The following SLC35D4 variants were observed in gnomAD, a reference collection of about 807,000 sequenced individuals.
SLC35D4 encodes the protein solute carrier family 35 member D4.
At chr18:23,326,499 T>C in the SLC35D4 span, among the ~76,000 whole-genome samples, 1 of 152,190 alleles carries the variant, frequency 6.6e-6, no homozygotes, top group Admixed American at 6.5e-5. Context: ...CAAGAAGAGC[T>C]AACTATCCTA....
the SLC35D4 span, among the ~76,000 whole-genome samples, chr18:23,304,323 G>T: frequency 8.3e-5 from 12 of 145,232 alleles, no homozygotes; most frequent in African/African-American, 3.0e-4. Context: ...CACTATGAAA[G>T]TTAAGGATAC....
chr18:23,428,679 A>C, the SLC35D4 span, among the ~76,000 whole-genome samples: 1 of 141,966 alleles, frequency 7.0e-6, no homozygotes, highest in African/African-American at 2.5e-5. Flanking sequence ...CACCATGCCT[A>C]GCTAATTTTT....
the SLC35D4 span, among the ~76,000 whole-genome samples, chr18:23,343,202 A>G: frequency 2.0e-5 from 3 of 152,142 alleles, no homozygotes; most frequent in Admixed American, 2.0e-4. Flanking sequence ...GGTTACAGGC[A>G]TAAGCCACTA....
chr18:23,250,186 G>T, the SLC35D4 span, among the ~76,000 whole-genome samples: 2 of 152,196 alleles, frequency 1.3e-5, no homozygotes, highest in African/African-American at 2.4e-5. Flanking sequence ...TCGTTAAGCA[G>T]CAGGATATCC....
chr18:23,297,502 A>C, the SLC35D4 span: 1 of 152,114 alleles, frequency 6.6e-6, no homozygotes, highest in Non-Finnish European at 1.5e-5. Flanking sequence ...TAGGCGATAG[A>C]GTGAGGCCTT....
the SLC35D4 span, among the ~76,000 whole-genome samples, chr18:23,245,036 T>TTC: frequency 2.6e-5 from 4 of 152,230 alleles, no homozygotes; most frequent in African/African-American, 9.6e-5. Flanking sequence ...ACCCTCACTG[T>TTC]TCTCCAGGAT....
the SLC35D4 span, among the ~76,000 whole-genome samples, chr18:23,369,090 T>C: frequency 1.3e-5 from 2 of 152,246 alleles, no homozygotes; most frequent in Non-Finnish European, 2.9e-5. Flanking sequence ...TAAAGAGTAA[T>C]GTTTTAGTGT....
chr18:23,382,603 G>A, the SLC35D4 span, among the ~76,000 whole-genome samples: 4 of 152,184 alleles, frequency 2.6e-5, no homozygotes, highest in South Asian at 8.3e-4. Flanking sequence ...TTGATTGTAA[G>A]AGCCTTCCTA....
At chr18:23,288,753 G>A in the SLC35D4 span, among the ~76,000 whole-genome samples, 17 of 152,210 alleles carry the variant, frequency 1.1e-4, no homozygotes, top group African/African-American at 4.1e-4. Flanking sequence ...TATACAGTCC[G>A]ATAGCAGACC....
the SLC35D4 span, among the ~76,000 whole-genome samples, chr18:23,405,237 G>T: frequency 6.6e-6 from 1 of 151,980 alleles, no homozygotes; most frequent in African/African-American, 2.4e-5. Flanking sequence ...ACCCTGGCTG[G>T]AGTGCAATGG....
chr18:23,370,326 G>A, the SLC35D4 span: 38 of 1,540,624 alleles, frequency 2.5e-5, no homozygotes, highest in Admixed American at 7.8e-5. Flanking sequence ...TGGCCTGTCC[G>A]GGGACACACA....
At chr18:23,388,227 T>C in the SLC35D4 span, among the ~76,000 whole-genome samples, 12 of 152,246 alleles carry the variant, frequency 7.9e-5, no homozygotes, top group Admixed American at 2.0e-4. Flanking sequence ...GCCCTTACTC[T>C]GATCAGATTC....
At chr18:23,408,223 T>C in the SLC35D4 span, among the ~76,000 whole-genome samples, 2 of 151,958 alleles carry the variant, frequency 1.3e-5, no homozygotes, top group African/African-American at 2.4e-5. Flanking sequence ...TGTACCACAA[T>C]TGGACACACT....
chr18:23,277,046 G>A, the SLC35D4 span, among the ~76,000 whole-genome samples: 3 of 152,092 alleles, frequency 2.0e-5, no homozygotes, highest in Admixed American at 1.3e-4. Flanking sequence ...TTTTTCTCAT[G>A]AGTCTAGATT....
At chr18:23,333,769 C>A in the SLC35D4 span, among the ~76,000 whole-genome samples, 1 of 152,310 alleles carries the variant, frequency 6.6e-6, no homozygotes, top group African/African-American at 2.4e-5. Flanking sequence ...ACTTCAAATT[C>A]CAAGAAGATA....
At chr18:23,357,466 A>G in the SLC35D4 span, among the ~76,000 whole-genome samples, 1 of 152,218 alleles carries the variant, frequency 6.6e-6, no homozygotes, top group Non-Finnish European at 1.5e-5. Context: ...GGAATTAAGC[A>G]TTTCCACAGC....
At chr18:23,293,251 A>AAATG in the SLC35D4 span, among the ~76,000 whole-genome samples, 224 of 152,288 alleles carry the variant, frequency 1.5e-3, 1 homozygote, top group African/African-American at 4.9e-3. Flanking sequence ...TCTCAAAAAT[A>AAATG]AATGAATGAA....
the SLC35D4 span, chr18:23,253,165 A>G: frequency 1.3e-5 from 9 of 697,308 alleles, 1 homozygote; most frequent in East Asian, 2.4e-4. Flanking sequence ...CTGTGGTTCC[A>G]GTGATTGAGT....
the SLC35D4 span, among the ~76,000 whole-genome samples, chr18:23,370,697 T>G: frequency 6.6e-6 from 1 of 152,184 alleles, no homozygotes; most frequent in South Asian, 2.1e-4. Context: ...TGTAATAAAA[T>G]CAGATGGTCC....
Sources: allele counts gnomAD v4.1 joint callset (sites outside exome capture counted in the v4.1 genomes callset), GRCh38; gene constraint gnomAD v4.1.1; transcripts MANE v1.5; gene names NCBI Gene and HGNC (gene_info 2026-07-23, HGNC 2026-07-21).